VPS13B: variants seen among roughly 807,000 people sequenced by gnomAD.
The protein encoded by VPS13B is vacuolar protein sorting 13 homolog B.
A neutral mutation model predicts 426.4 loss-of-function variants in VPS13B; 285 were observed. The observed-to-expected ratio is 0.67, with a 90% CI of 0.61 to 0.74. The LOEUF (loss-of-function observed/expected upper bound fraction) is 0.74. Among genes scored for constraint, VPS13B ranks in the 30% least tolerant of loss-of-function variants. The pLI, the probability that VPS13B is intolerant of heterozygous loss-of-function variation, is 0.00. For synonymous variants in VPS13B, 1,676 were observed against 1,676.4 expected, an observed-to-expected ratio of 1.00 and a Z score of 0.01; for missense variants, 4,537 against 4,782.6, an observed-to-expected ratio of 0.95 and a Z score of 1.51.
intron 23 of VPS13B, among the ~76,000 whole-genome samples, chr8:99,459,674 A>G (rs1394615075): frequency 6.6e-6 from 1 of 152,186 alleles, no homozygotes; most frequent in Non-Finnish European, 1.5e-5. Context: ...ATCTAAACAT[A>G]GAAAAGGCAC....
At chr8:99,106,872 C>T (rs1369156393) in intron 5 of VPS13B, among the ~76,000 whole-genome samples, 3 of 152,104 alleles carry the variant, frequency 2.0e-5, no homozygotes, top group South Asian at 4.1e-4. Context: ...TGTGGGATGG[C>T]GAGTTTGCAG....
chr8:99,492,919 G>T (rs1820693759), intron 25 of VPS13B, among the ~76,000 whole-genome samples: 1 of 152,146 alleles, frequency 6.6e-6, no homozygotes, highest in South Asian at 2.1e-4. Context: ...TACCTCAATT[G>T]GAAATGCAGA....
At chr8:99,720,689 C>G (rs547852101) in intron 38 of VPS13B, 137 bp downstream of exon 38, 8 of 1,122,716 alleles carry the variant, frequency 7.1e-6, no homozygotes, top group Non-Finnish European at 1.0e-5. Context: ...AGTACATTAT[C>G]ATTCAATCTC....
chr8:99,803,114 C>T (rs1813211250), intron 43 of VPS13B, among the ~76,000 whole-genome samples: 1 of 152,182 alleles, frequency 6.6e-6, no homozygotes, highest in Admixed American at 6.5e-5. Context: ...ATTCTTTACA[C>T]ACATCTGTAA....
intron 43 of VPS13B, among the ~76,000 whole-genome samples, chr8:99,791,701 A>G (rs193050258): frequency 5.8e-4 from 88 of 150,736 alleles, no homozygotes; most frequent in African/African-American, 2.1e-3. Context: ...AATAACAGCA[A>G]CACATTCTGA....
chr8:99,613,459 A>G (rs1827926206), intron 33 of VPS13B, among the ~76,000 whole-genome samples: 1 of 152,246 alleles, frequency 6.6e-6, no homozygotes, highest in African/African-American at 2.4e-5. Flanking sequence ...TACTTCATTC[A>G]GAAAGACTAT....
intron 8 of VPS13B, among the ~76,000 whole-genome samples, chr8:99,130,089 G>A (rs1809698231): frequency 6.6e-6 from 1 of 152,112 alleles, no homozygotes; most frequent in Non-Finnish European, 1.5e-5. Context: ...TAGACTTCTT[G>A]GGCAGTATTT....
At chr8:99,228,169 A>G (rs1306632823) in intron 17 of VPS13B, among the ~76,000 whole-genome samples, 3 of 152,254 alleles carry the variant, frequency 2.0e-5, no homozygotes, top group African/African-American at 7.2e-5. Context: ...AGAAAATAAA[A>G]TGGCTTAGCA....
At chr8:99,180,892 C>A (rs1027504910) in intron 16 of VPS13B, among the ~76,000 whole-genome samples, 2 of 152,132 alleles carry the variant, frequency 1.3e-5, no homozygotes, top group African/African-American at 4.8e-5. Context: ...AATTAACCAT[C>A]TTTTTTGTGT....
chr8:99,029,815 G>GGAGAGGGAGACGGAGAC (rs1563493481), intron 2 of VPS13B, among the ~76,000 whole-genome samples: 2 of 135,652 alleles, frequency 1.5e-5, no homozygotes, highest in Non-Finnish European at 3.2e-5. Context: ...GAGACGGAGA[G>GGAGAGGGAGACGGAGAC]GGAGAGGGAG....
chr8:99,670,909 A>G (rs190922888), intron 35 of VPS13B, among the ~76,000 whole-genome samples: 1 of 152,294 alleles, frequency 6.6e-6, no homozygotes, highest in East Asian at 1.9e-4. Flanking sequence ...TTGATTCTAC[A>G]TCTTGACTAT....
At chr8:99,607,571 A>G (rs1827650689) in intron 33 of VPS13B, among the ~76,000 whole-genome samples, 1 of 152,186 alleles carries the variant, frequency 6.6e-6, no homozygotes, top group Non-Finnish European at 1.5e-5. Flanking sequence ...ATTGAATTAT[A>G]TATAGGTCTA....
intron 17 of VPS13B, among the ~76,000 whole-genome samples, chr8:99,252,527 C>T (rs1178972718): frequency 2.0e-5 from 3 of 152,020 alleles, no homozygotes; most frequent in Non-Finnish European, 4.4e-5. Flanking sequence ...TTCTGCTGTT[C>T]TATAATCTAG....
intron 19 of VPS13B, among the ~76,000 whole-genome samples, chr8:99,338,389 T>G (rs1296219569): frequency 6.6e-6 from 1 of 152,082 alleles, no homozygotes; most frequent in Non-Finnish European, 1.5e-5. Context: ...ACTTATTTCT[T>G]GCGTACTACA....
At chr8:99,812,954 C>T (rs1813800622) in intron 44 of VPS13B, among the ~76,000 whole-genome samples, 1 of 151,890 alleles carries the variant, frequency 6.6e-6, no homozygotes, top group Admixed American at 6.6e-5. Context: ...TAGTGTGAAA[C>T]CTGGAAATGT....
chr8:99,593,647 G>A (rs1046903868), intron 33 of VPS13B, among the ~76,000 whole-genome samples: 8 of 152,054 alleles, frequency 5.3e-5, no homozygotes, highest in Admixed American at 1.3e-4. Context: ...GCAAAGACAT[G>A]GAATCAACCT....
chr8:99,053,396 G>T (rs1221127136), intron 3 of VPS13B, among the ~76,000 whole-genome samples: 2 of 151,788 alleles, frequency 1.3e-5, no homozygotes, highest in African/African-American at 4.8e-5. Context: ...CGGTTTTTTT[G>T]GTTTTTTGTC....
intron 24 of VPS13B, among the ~76,000 whole-genome samples, chr8:99,474,202 T>C (rs1223865813): frequency 2.7e-5 from 4 of 150,812 alleles, no homozygotes; most frequent in East Asian, 1.9e-4. Flanking sequence ...TTTTTTTTTT[T>C]TGTGGAGACA....
intron 19 of VPS13B, among the ~76,000 whole-genome samples, chr8:99,285,797 TCTC>T (rs1333838177): frequency 1.3e-5 from 2 of 152,084 alleles, no homozygotes; most frequent in Non-Finnish European, 2.9e-5. Context: ...ACCTGCCCCT[TCTC>T]CTAGTTGTTC....
Sources: allele counts gnomAD v4.1 joint callset (sites outside exome capture counted in the v4.1 genomes callset), GRCh38; gene constraint gnomAD v4.1.1; transcripts MANE v1.5; gene names NCBI Gene and HGNC (gene_info 2026-07-23, HGNC 2026-07-21).